The following SRC variants were observed in gnomAD, a reference collection of about 807,000 sequenced individuals.
SRC encodes proto-oncogene tyrosine-protein kinase Src.
In SRC, 13 loss-of-function variants were observed where a neutral mutation model predicts 62.9. The observed-to-expected ratio is 0.21, with a 90% confidence interval of 0.13 to 0.33. SRC has a LOEUF of 0.33. Ranked by LOEUF, SRC falls within the 10% of genes least tolerant of loss-of-function variation. The pLI, the probability that SRC is intolerant of heterozygous loss-of-function variation, is 1.00. For synonymous variants in SRC, 302 were observed against 317.5 expected, an observed-to-expected ratio of 0.95 and a Z score of 0.52; for missense variants, 457 against 737.3, an observed-to-expected ratio of 0.62 and a Z score of 4.40.
chr20:37,396,430 C>A lies in SRC; in HGVS notation c.703+119C>A, dbSNP rs568842627. The A allele has an allele frequency of 9.0e-6, 10 of 1,108,444 alleles. No individual in the cohort carries two copies. In the African/African-American group the frequency reaches 1.4e-4, roughly 16 times the overall value. The allele number at this position is 1,108,444 out of a possible 1,614,324, so 68.7% of individuals were successfully genotyped here. Reference sequence around the variant, plus strand: ...TGTTATCCTGCTTCTCTCCCCACTTCCCCCTCCCCCCTCCCTTCCTCTCTC... The same window carrying A: ...TGTTATCCTGCTTCTCTCCCCACTTACCCCTCCCCCCTCCCTTCCTCTCTC... On this transcript the variant is annotated intron_variant, in intron 8 of 13. Transcript: ENST00000373578. This position sits in a 1 kb window ranked among gnomAD's most constrained non-coding sequence, Gnocchi z 6.1.
At chr20:37,401,917 T>G (rs1326198240) in intron 11 of SRC, 2 of 449,992 alleles carry the variant, frequency 4.4e-6, no homozygotes, top group Non-Finnish European at 7.8e-6. Flanking sequence ...CTGTGGGACC[T>G]CGGGCCTCAG....
chr20:37,383,123 A>G (rs948858742), intron 3 of SRC, among the ~76,000 whole-genome samples: 5 of 152,202 alleles, frequency 3.3e-5, no homozygotes, highest in Non-Finnish European at 7.3e-5. Flanking sequence ...TAGTCACATA[A>G]CCACATGAAT....
chr20:37,401,497 G>A, intron 10 of SRC, 105 bp from the exon 11 acceptor site: 1 of 779,750 alleles, frequency 1.3e-6, no homozygotes, highest in East Asian at 2.7e-5. Flanking sequence ...AATCTGCTGT[G>A]CTGGTTAAAG....
chr20:37,368,012 G>A (rs1445301927), intron 2 of SRC, among the ~76,000 whole-genome samples: 1 of 152,134 alleles, frequency 6.6e-6, no homozygotes, highest in African/African-American at 2.4e-5. Context: ...TATTCTGTGG[G>A]TTGTACTTTT....
intron 5 of SRC, among the ~76,000 whole-genome samples, chr20:37,387,113 C>T (rs967816615): frequency 6.6e-6 from 1 of 152,176 alleles, no homozygotes; most frequent in African/African-American, 2.4e-5. Flanking sequence ...AGAGGAGAAT[C>T]GATCCCTGGG....
Position 37,402,279 on chromosome 20 carries a change from G to T in SRC, c.1117-156G>T. 1.2e-6 allele frequency: 1 copy of T among 857,950 alleles called. No individual in the cohort carries two copies. The highest frequency in any genetic ancestry group is 1.8e-6 in the Non-Finnish European group (1 of 565,592). The allele number at this position is 857,950 out of a possible 1,614,324, so 53.1% of individuals were successfully genotyped here. A position where few individuals can be genotyped will look rare whatever the true frequency, so the allele number is the denominator to read the frequency against. The stretch of plus-strand genomic sequence containing the variant: ...CCCGCAGAGCACTGCTCCTGCTTTC[G>T]ATGCCAACAGCATTTACTGTGAACT... On this transcript the variant is annotated intron_variant, in intron 11 of 13. Coordinates refer to ENST00000373578, the MANE Select transcript of SRC (RefSeq NM_198291.3). This position sits in a 1 kb window ranked among gnomAD's most constrained non-coding sequence, Gnocchi z 6.2.
At chr20:37,376,541 T>C (rs1389509677) in intron 2 of SRC, among the ~76,000 whole-genome samples, 1 of 152,208 alleles carries the variant, frequency 6.6e-6, no homozygotes, top group Non-Finnish European at 1.5e-5. Context: ...TTTGCTCTTG[T>C]TGCCCAGGCT....
chr20:37,386,829 C>T (rs1568636287), intron 5 of SRC, among the ~76,000 whole-genome samples: 1 of 152,250 alleles, frequency 6.6e-6, no homozygotes, highest in African/African-American at 2.4e-5. Flanking sequence ...GCCACGTCCC[C>T]CTGGAGCCAG....
At chr20:37,346,348 GC>G (rs2069719679) in intron 1 of SRC, 93 bp downstream of exon 1, 1 of 150,020 alleles carries the variant, frequency 6.7e-6, no homozygotes, top group African/African-American at 2.5e-5. Context: ...TCGCGGGCCG[GC>G]GGGGACTCCT....
At position 37,374,473 on chromosome 20, in the gene SRC, C is replaced by A. The variant is rs1218750457; in HGVS notation, c.-172-8146C>A. Among the ~76,000 whole-genome samples the A allele has an allele frequency of 2.0e-5, 3 of 152,122 alleles. No individual in the cohort carries two copies. The East Asian group carries it at 5.8e-4, about 29-fold the overall frequency. On this transcript the variant is annotated intron_variant, in intron 2 of 13. Coordinates refer to ENST00000373578, the MANE Select transcript of SRC (RefSeq NM_198291.3). Reference sequence around the variant, plus strand: ...GATTTGGGAATGTTAACTTAATTCCCTGCCACTTTACTTAATTTGCTTTTG... The same window carrying A: ...GATTTGGGAATGTTAACTTAATTCCATGCCACTTTACTTAATTTGCTTTTG...
At chr20:37,372,984 T>G (rs939111617) in intron 2 of SRC, among the ~76,000 whole-genome samples, 13 of 152,144 alleles carry the variant, frequency 8.5e-5, no homozygotes, top group African/African-American at 3.1e-4. Context: ...CATTCAGAGA[T>G]ATGAAAATTC....
chr20:37,367,095 ATTTTTTTT>A (rs770197409), intron 2 of SRC, among the ~76,000 whole-genome samples: 2 of 125,396 alleles, frequency 1.6e-5, no homozygotes, highest in African/African-American at 5.8e-5. Flanking sequence ...TGTGGTTTTG[ATTTTTTTT>A]TTTTTTTTTT....
chr20:37,396,617 T>C lies in SRC; in HGVS notation c.703+306T>C, dbSNP rs1386875083. ...GGGGCTGCCCTGAGGAGCCCCAGAG[T>C]AAGCTGGAAGGGAGGGGACAGAGGC... On this transcript the variant is annotated intron_variant, in intron 8 of 13. Coordinates refer to ENST00000373578, the MANE Select transcript of SRC (RefSeq NM_198291.3). The surrounding 1 kb of genome is among the most constrained non-coding windows in gnomAD (Gnocchi z 6.1). 2 of 428,554 alleles carry C rather than the reference T, an allele frequency of 4.7e-6. No individual in the cohort carries two copies. The highest frequency in any genetic ancestry group is 4.0e-5 in the African/African-American group (2 of 50,120). The allele number at this position is 428,554 out of a possible 1,614,324, so 26.5% of individuals were successfully genotyped here. A position where few individuals can be genotyped will look rare whatever the true frequency, so the allele number is the denominator to read the frequency against.
intron 1 of SRC, among the ~76,000 whole-genome samples, chr20:37,358,881 T>C (rs906436716): frequency 6.6e-6 from 1 of 152,212 alleles, no homozygotes; most frequent in African/African-American, 2.4e-5. Context: ...CCGGTTTGAG[T>C]CTACTGTCCC....
chr20:37,400,799 C>A (rs2070725376), intron 10 of SRC, among the ~76,000 whole-genome samples: 1 of 152,006 alleles, frequency 6.6e-6, no homozygotes, highest in South Asian at 2.1e-4. Flanking sequence ...TACTGTGTAC[C>A]CCTAACCATA....
At chr20:37,400,883 AC>A (rs1242648498) in intron 10 of SRC, among the ~76,000 whole-genome samples, 16 of 151,894 alleles carry the variant, frequency 1.1e-4, no homozygotes, top group Admixed American at 1.0e-3. Context: ...CCAGCCCCAA[AC>A]CCAAGCACCC....
chr20:37,397,193 G>C lies in SRC; in HGVS notation c.704-506G>C, dbSNP rs77559967. Among the ~76,000 whole-genome samples, 15 of 152,252 alleles carry C rather than the reference G, an allele frequency of 9.9e-5. No individual in the cohort carries two copies. Among genetic ancestry groups the C allele is most frequent in the African/African-American group, 3.4e-4 (14 of 41,556 alleles). On this transcript the variant is annotated intron_variant, in intron 8 of 13. Coordinates refer to ENST00000373578, the MANE Select transcript of SRC (RefSeq NM_198291.3). The surrounding 1 kb of genome is among the most constrained non-coding windows in gnomAD (Gnocchi z 4.1). ...CCTCCGCTTCTCCAGCCCTGCAGCT[G>C]TTCTTTCCTCAGAGCCTTTGCTCTG...
Position 37,397,020 on chromosome 20 carries a change from C to A in SRC, c.704-679C>A, listed in dbSNP as rs1199665437. 6.6e-6 allele frequency among the ~76,000 whole-genome samples: 1 copy of A among 152,132 alleles called. No individual in the cohort carries two copies. The highest frequency in any genetic ancestry group is 1.5e-5 in the Non-Finnish European group (1 of 68,026). ...CCACCGCTGTGTAGCTCATTCTGAA[C>A]CCCTTTCCCTCAGATCAGAACTCTC... On this transcript the variant is annotated intron_variant, in intron 8 of 13. Coordinates refer to ENST00000373578, the MANE Select transcript of SRC (RefSeq NM_198291.3). This position sits in a 1 kb window ranked among gnomAD's most constrained non-coding sequence, Gnocchi z 4.1.
intron 4 of SRC, among the ~76,000 whole-genome samples, chr20:37,385,560 G>A (rs943580148): frequency 1.3e-5 from 2 of 152,184 alleles, no homozygotes; most frequent in African/African-American, 4.8e-5. Context: ...TGGTGGAAGG[G>A]GGTACGGGGG....
Sources: gnomAD v4.1 joint callset for allele counts (sites outside exome capture counted in the v4.1 genomes callset) on GRCh38, gnomAD v4.1.1 for gene constraint, Gnocchi (gnomAD v3.1) non-coding constraint, MANE v1.5 for transcripts, NCBI Gene and HGNC (gene_info 2026-07-23, HGNC 2026-07-21) for gene names.